AKT3: variants seen among roughly 807,000 people sequenced by gnomAD.
AKT3 encodes AKT serine/threonine kinase 3, also known as RAC-gamma serine/threonine-protein kinase.
Under a neutral mutation model 65.3 loss-of-function variants are expected in AKT3, and 15 were observed. The observed-to-expected ratio is 0.23, with a 90% CI of 0.15 to 0.35. AKT3 has a LOEUF of 0.35. Ranked by LOEUF, AKT3 falls within the 10% of genes least tolerant of loss-of-function variation. AKT3 has a pLI of 1.00. For missense variants in AKT3, 243 were observed against 576.5 expected (o/e 0.42, Z 5.92); for synonymous variants, 206 against 183.8 (o/e 1.12, Z -0.98).
chr1:243,840,550 A>G (rs1185061950), intron 2 of AKT3, among the ~76,000 whole-genome samples: 1 of 152,214 alleles, frequency 6.6e-6, no homozygotes, highest in Non-Finnish European at 1.5e-5. Flanking sequence ...ATCTCATCAT[A>G]CCACTTTGTT....
intron 12 of AKT3, among the ~76,000 whole-genome samples, chr1:243,523,309 C>CG (rs1465688896): frequency 2.7e-5 from 3 of 111,876 alleles, no homozygotes; most frequent in African/African-American, 1.1e-4. Context: ...ACACACACAC[C>CG]TTTCAGAAAC....
intron 2 of AKT3, among the ~76,000 whole-genome samples, chr1:243,763,188 T>C (rs996047780): frequency 2.6e-5 from 4 of 152,074 alleles, no homozygotes; most frequent in Non-Finnish European, 5.9e-5. Flanking sequence ...GCCTACTCAG[T>C]AGAATTTTTG....
At chr1:243,583,388 A>T (rs1675549968) in intron 8 of AKT3, among the ~76,000 whole-genome samples, 1 of 151,018 alleles carries the variant, frequency 6.6e-6, no homozygotes, top group South Asian at 2.1e-4. Context: ...GAAAAGTCAC[A>T]CATTCTGGAC....
chr1:243,557,494 G>T (rs1318704753), intron 10 of AKT3, among the ~76,000 whole-genome samples: 1 of 151,980 alleles, frequency 6.6e-6, no homozygotes, highest in African/African-American at 2.4e-5. Flanking sequence ...GTAAGTAAAA[G>T]ATGCCACTTA....
At chr1:243,718,398 AGTTT>A (rs1282390449) in intron 2 of AKT3, among the ~76,000 whole-genome samples, 1 of 152,092 alleles carries the variant, frequency 6.6e-6, no homozygotes, top group Non-Finnish European at 1.5e-5. Flanking sequence ...TTCACTTTAA[AGTTT>A]TTTTTAAAAA....
At chr1:243,821,372 C>T (rs1050392828) in intron 2 of AKT3, among the ~76,000 whole-genome samples, 7 of 152,150 alleles carry the variant, frequency 4.6e-5, no homozygotes, top group Middle Eastern at 3.2e-3. Context: ...GCAGCTACAT[C>T]AACACGTCTG....
chr1:243,840,304 G>C (rs1695162684), intron 2 of AKT3, among the ~76,000 whole-genome samples: 1 of 152,100 alleles, frequency 6.6e-6, no homozygotes, highest in Admixed American at 6.5e-5. Flanking sequence ...GTTCTCCAAT[G>C]AGAACACACG....
intron 11 of AKT3, among the ~76,000 whole-genome samples, chr1:243,549,153 A>T (rs7549780): frequency 7.9e-5 from 12 of 151,988 alleles, no homozygotes; most frequent in Admixed American, 1.3e-4. Flanking sequence ...GTTTCTTTTA[A>T]GCATTCATTC....
intron 2 of AKT3, chr1:243,703,187 T>C (rs1233209180): frequency 6.6e-6 from 1 of 152,094 alleles, no homozygotes; most frequent in Non-Finnish European, 1.5e-5. Context: ...TGGCAAAATC[T>C]TTTCTACTAA....
intron 4 of AKT3, among the ~76,000 whole-genome samples, chr1:243,661,399 C>T (rs186249134): frequency 1.7e-4 from 25 of 151,438 alleles, no homozygotes; most frequent in Admixed American, 1.2e-3. Flanking sequence ...TCAGAAATGA[C>T]GCATATCTAC....
chr1:243,568,439 GA>G (rs113494657), intron 9 of AKT3, among the ~76,000 whole-genome samples: 2,256 of 136,522 alleles, frequency 0.017, 31 homozygotes, highest in Admixed American at 0.049. Flanking sequence ...TGAGGAGAGA[GA>G]AAAAAAAAAA....
chr1:243,637,393 A>G (rs1265288118), intron 6 of AKT3, among the ~76,000 whole-genome samples: 1 of 152,128 alleles, frequency 6.6e-6, no homozygotes, highest in Non-Finnish European at 1.5e-5. Flanking sequence ...TATTTCCTTA[A>G]GAGAATAGCT....
At chr1:243,516,753 G>A (rs1416850485) in intron 12 of AKT3, among the ~76,000 whole-genome samples, 2 of 152,058 alleles carry the variant, frequency 1.3e-5, no homozygotes, top group African/African-American at 2.4e-5. Context: ...GACCACAGGT[G>A]CACACCAGTA....
At chr1:243,665,576 G>A (rs1166359782) in intron 3 of AKT3, among the ~76,000 whole-genome samples, 1 of 152,108 alleles carries the variant, frequency 6.6e-6, no homozygotes, top group Non-Finnish European at 1.5e-5. Flanking sequence ...TCTGACACTG[G>A]TGTGCGTAGA....
chr1:243,716,064 T>A (rs1686496123), intron 2 of AKT3, among the ~76,000 whole-genome samples: 1 of 152,162 alleles, frequency 6.6e-6, no homozygotes. Flanking sequence ...GAAAAATTTG[T>A]CTGTAAGGAA....
At chr1:243,754,347 A>G (rs1179938424) in intron 2 of AKT3, among the ~76,000 whole-genome samples, 1 of 152,206 alleles carries the variant, frequency 6.6e-6, no homozygotes, top group Non-Finnish European at 1.5e-5. Context: ...GAATGCCTGT[A>G]TCTGCATTTG....
intron 6 of AKT3, among the ~76,000 whole-genome samples, chr1:243,636,164 T>C (rs924816305): frequency 2.0e-5 from 3 of 152,000 alleles, no homozygotes; most frequent in Non-Finnish European, 4.4e-5. Flanking sequence ...TGATACACAG[T>C]AGGTAGTAAT....
chr1:243,567,015 C>A (rs2148494570), intron 9 of AKT3, among the ~76,000 whole-genome samples: 1 of 152,310 alleles, frequency 6.6e-6, no homozygotes, highest in South Asian at 2.1e-4. Flanking sequence ...CACAGTGGCT[C>A]ATGCCTGTAA....
At chr1:243,691,312 T>C (rs914991604) in intron 3 of AKT3, among the ~76,000 whole-genome samples, 1 of 152,150 alleles carries the variant, frequency 6.6e-6, no homozygotes, top group African/African-American at 2.4e-5. Flanking sequence ...AGAGGCCAGA[T>C]TGAAGAGATC....
Sources: allele counts gnomAD v4.1 joint callset (sites outside exome capture counted in the v4.1 genomes callset), GRCh38; gene constraint gnomAD v4.1.1; transcripts MANE v1.5; gene names NCBI Gene and HGNC (gene_info 2026-07-23, HGNC 2026-07-21).